Variants in DLG2 observed in about 807,000 individuals in gnomAD.
The protein encoded by DLG2 is discs large MAGUK scaffold protein 2.
DLG2 carries 45 observed loss-of-function variants against 132.5 expected under a neutral mutation model. That is an observed-to-expected ratio of 0.34 (90% CI 0.27 to 0.44). The LOEUF is 0.44. Among genes scored for constraint, DLG2 ranks in the 20% least tolerant of loss-of-function variants. The pLI is 1.00. For missense variants in DLG2, 1,045 were observed against 1,196.9 expected, an observed-to-expected ratio of 0.87 and a Z score of 1.87; for synonymous variants, 424 against 419.6, an observed-to-expected ratio of 1.01 and a Z score of -0.13.
intron 6 of DLG2, among the ~76,000 whole-genome samples, chr11:84,718,326 A>G (rs55697746): frequency 0.023 from 3,459 of 152,212 alleles, 130 homozygotes; most frequent in African/African-American, 0.077. Context: ...GTTTCACTCT[A>G]TTGACATGAA....
At chr11:84,745,263 C>A (rs962307017) in intron 6 of DLG2, among the ~76,000 whole-genome samples, 1 of 152,186 alleles carries the variant, frequency 6.6e-6, no homozygotes, top group Non-Finnish European at 1.5e-5. Flanking sequence ...TGGGAGGTGA[C>A]TGGATCATGG....
intron 7 of DLG2, among the ~76,000 whole-genome samples, chr11:84,486,864 T>C (rs1418868006): frequency 6.6e-6 from 1 of 152,202 alleles, no homozygotes; most frequent in East Asian, 1.9e-4. Context: ...TGGCTCTGAG[T>C]ATGTTGCTAG....
At chr11:85,465,492 T>C (rs2153065824) in intron 3 of DLG2, among the ~76,000 whole-genome samples, 1 of 152,192 alleles carries the variant, frequency 6.6e-6, no homozygotes, top group East Asian at 1.9e-4. Flanking sequence ...TGTGTGATGT[T>C]CCCCTTCCTG....
At chr11:84,871,763 C>T (rs1428004226) in intron 6 of DLG2, among the ~76,000 whole-genome samples, 1 of 151,878 alleles carries the variant, frequency 6.6e-6, no homozygotes, top group Non-Finnish European at 1.5e-5. Flanking sequence ...TCCTCTATCG[C>T]CCAGCCTGGA....
intron 6 of DLG2, among the ~76,000 whole-genome samples, chr11:85,017,952 G>T (rs1043261789): frequency 1.3e-5 from 2 of 152,038 alleles, no homozygotes; most frequent in African/African-American, 2.4e-5. Context: ...AGGAACACGG[G>T]GCCTTCATTT....
Position 84,359,680 on chromosome 11 carries a change from C to A in DLG2, c.520-108389G>T, listed in dbSNP as rs1034137187. Among the ~76,000 whole-genome samples, 4 of 151,920 alleles carry A rather than the reference C, an allele frequency of 2.6e-5. No homozygotes were observed. In the East Asian group the frequency reaches 5.8e-4, roughly 22 times the overall value. ...AAAACAGTGCTTATTACACTTTGGGCTTCTACTCTAATTTATTTAGCCCTT... is the reference window on the plus strand; with the variant it reads ...AAAACAGTGCTTATTACACTTTGGGATTCTACTCTAATTTATTTAGCCCTT... On this transcript the variant is annotated intron_variant, in intron 7 of 27. Coordinates refer to ENST00000376104, the MANE Select transcript of DLG2 (RefSeq NM_001142699.3).
intron 19 of DLG2, among the ~76,000 whole-genome samples, chr11:83,575,361 G>C (rs933046930): frequency 6.6e-6 from 1 of 152,164 alleles, no homozygotes. Flanking sequence ...GAACCCAGGA[G>C]AAGCCTGGCA....
At chr11:84,593,119 C>CA (rs750800070) in intron 6 of DLG2, among the ~76,000 whole-genome samples, 265 of 115,594 alleles carry the variant, frequency 2.3e-3, no homozygotes, top group Non-Finnish European at 3.1e-3. Flanking sequence ...ACTCCATCTC[C>CA]AAAAAAAAAA....
At chr11:84,333,869 T>C (rs1329771915) in intron 7 of DLG2, among the ~76,000 whole-genome samples, 1 of 152,204 alleles carries the variant, frequency 6.6e-6, no homozygotes, top group Non-Finnish European at 1.5e-5. Flanking sequence ...GAGAATATTA[T>C]TGTCACAAAT....
At chr11:84,777,019 A>G (rs2070675541) in intron 6 of DLG2, among the ~76,000 whole-genome samples, 1 of 151,892 alleles carries the variant, frequency 6.6e-6, no homozygotes, top group African/African-American at 2.4e-5. Context: ...GTACCCATTA[A>G]GTAATTTCTT....
At chr11:83,812,238 A>G (rs1007432911) in intron 17 of DLG2, among the ~76,000 whole-genome samples, 4 of 152,102 alleles carry the variant, frequency 2.6e-5, no homozygotes, top group African/African-American at 9.7e-5. Flanking sequence ...TATTTCCTCT[A>G]TCCTTAACAC....
chr11:83,880,345 T>C (rs2065862717), intron 15 of DLG2, among the ~76,000 whole-genome samples: 1 of 152,182 alleles, frequency 6.6e-6, no homozygotes, highest in South Asian at 2.1e-4. Context: ...TATTAATAAA[T>C]GCCTAAACTT....
chr11:84,606,604 A>G (rs945628675), intron 6 of DLG2, among the ~76,000 whole-genome samples: 1 of 152,186 alleles, frequency 6.6e-6, no homozygotes, highest in African/African-American at 2.4e-5. Flanking sequence ...TTAAATGGCA[A>G]TTGTGACACA....
intron 22 of DLG2, chr11:83,483,133 A>G: frequency 1.3e-6 from 1 of 794,520 alleles, no homozygotes; most frequent in Non-Finnish European, 2.1e-6. Context: ...TAGGTAACAA[A>G]TAAAACTCGT....
At chr11:85,100,957 A>G (rs349083) in intron 6 of DLG2, among the ~76,000 whole-genome samples, 77,882 of 151,996 alleles carry the variant, frequency 0.51, 20,408 homozygotes, top group East Asian at 0.67. Context: ...GCTACAGTTA[A>G]AAGACACAAA....
intron 3 of DLG2, among the ~76,000 whole-genome samples, chr11:85,422,430 G>C (rs1422304409): frequency 1.3e-5 from 2 of 151,874 alleles, no homozygotes; most frequent in African/African-American, 2.4e-5. Context: ...TGAAGACCTT[G>C]TCTTCAAGCT....
intron 6 of DLG2, among the ~76,000 whole-genome samples, chr11:84,597,225 A>G (rs2099563234): frequency 1.3e-5 from 2 of 152,154 alleles, no homozygotes; most frequent in African/African-American, 4.8e-5. Flanking sequence ...GTCTCAAAAA[A>G]AGAAAAAAGA....
At chr11:83,660,091 G>A (rs1429831600) in intron 18 of DLG2, among the ~76,000 whole-genome samples, 3 of 152,036 alleles carry the variant, frequency 2.0e-5, no homozygotes, top group Non-Finnish European at 2.9e-5. Context: ...GTAAATAGAG[G>A]GTCATACTTT....
intron 11 of DLG2, among the ~76,000 whole-genome samples, chr11:84,016,238 G>A (rs2514165): frequency 0.98 from 149,702 of 152,264 alleles, 73,597 homozygotes; most frequent in East Asian, 1. Flanking sequence ...TATTTTTTTC[G>A]TGTAAACTTG....
Sources: gnomAD v4.1 joint callset for allele counts (sites outside exome capture counted in the v4.1 genomes callset) on GRCh38, gnomAD v4.1.1 for gene constraint, MANE v1.5 for transcripts, NCBI Gene and HGNC (gene_info 2026-07-23, HGNC 2026-07-21) for gene names.